Variants in DPH1 observed in about 807,000 individuals in gnomAD.
DPH1 encodes 2-(3-amino-3-carboxypropyl)histidine synthase subunit 1.
In DPH1, 59 loss-of-function variants were observed where a neutral mutation model predicts 55.3. The ratio of observed to expected loss-of-function variants is 1.07; its 90% CI spans 0.87 to 1.33. The LOEUF is 1.33. DPH1 is among the 40% of genes most tolerant of loss of function. The pLI is 0.00. For synonymous variants in DPH1, 238 were observed against 235.5 expected (o/e 1.01, Z -0.10); for missense variants, 628 against 584.8 (o/e 1.07, Z -0.76).
intron 6 of DPH1, 159 bp downstream of exon 6, chr17:2,037,115 C>T: frequency 9.0e-7 from 1 of 1,108,336 alleles, no homozygotes; most frequent in Non-Finnish European, 1.2e-6. Flanking sequence ...GAGCAGACCT[C>T]AGGTTTACTG....
rs571570224 is a variant in DPH1 at position 2,035,188 on chromosome 17, A to G, written c.279-782A>G. Among the ~76,000 whole-genome samples, 2 of 152,008 alleles carry G rather than the reference A, an allele frequency of 1.3e-5. 1 individual carries two copies. Among genetic ancestry groups the G allele is most frequent in the South Asian group, 4.2e-4 (2 of 4,810 alleles). On this transcript the variant is annotated intron_variant, in intron 3 of 12. Transcript: ENST00000263083. Reference sequence around the variant, plus strand: ...CAAGTGTGAGTCTCTTTCAAGGAAGAGGGGGTTCTCCTCCATTCCTAGGGT... The same window carrying G: ...CAAGTGTGAGTCTCTTTCAAGGAAGGGGGGGTTCTCCTCCATTCCTAGGGT...
rs147229181 is a variant in DPH1 at position 2,042,472 on chromosome 17, T to C, written c.*19-133T>C. The C allele has an allele frequency of 7.0e-4, 951 of 1,356,734 alleles. 10 individuals carry two copies. The African/African-American group carries it at 0.013, about 19-fold the overall frequency. 84.0% of individuals were successfully genotyped at this position (1,356,734 alleles called of 1,614,324 possible). Reference sequence around the variant, plus strand: ...GGCCAATCCACTCATTTCCCCCCTCTCATTTCCCCCAGACTTTTGCCTCGA... The same window carrying C: ...GGCCAATCCACTCATTTCCCCCCTCCCATTTCCCCCAGACTTTTGCCTCGA... On this transcript the variant is annotated intron_variant, in intron 12 of 12. Transcript: ENST00000263083.
intron 6 of DPH1, chr17:2,038,880 C>T (rs562582866): frequency 5.3e-4 from 80 of 152,244 alleles, no homozygotes; most frequent in African/African-American, 1.8e-3. Flanking sequence ...TTCACTCTTC[C>T]TCAGAAGCTT....
rs982406058 is a variant in DPH1 at position 2,043,549 on chromosome 17, G to A, written c.*963G>A. 12 of 168,004 alleles carry A rather than the reference G, an allele frequency of 7.1e-5. No individual in the cohort carries two copies. Among genetic ancestry groups the A allele is most frequent in the South Asian group, 1.5e-4 (1 of 6,876 alleles). The allele number at this position is 168,004 out of a possible 1,614,324, so 10.4% of individuals were successfully genotyped here. A position where few individuals can be genotyped will look rare whatever the true frequency, so the allele number is the denominator to read the frequency against. Reference sequence around the variant, plus strand: ...GAGGTGTCTCCAGTTGTGAGTCCTCGGACAGGCTGCTGCATGGGTGCACAT... The same window carrying A: ...GAGGTGTCTCCAGTTGTGAGTCCTCAGACAGGCTGCTGCATGGGTGCACAT... On this transcript the variant is annotated 3_prime_UTR_variant, in exon 13 of 13. Transcript: ENST00000263083.
At chr17:2,042,388 C>T (rs1597291136) in intron 12 of DPH1, 1 of 1,287,114 alleles carries the variant, frequency 7.8e-7, no homozygotes. Flanking sequence ...TTTGCTCAAA[C>T]TGCAGCCTGT....
rs1339858842 is a variant in DPH1 at position 2,036,143 on chromosome 17, G to T, written c.400+52G>T. ...GGTGGCGGGGCTGGCAGGGAGGCAG[G>T]CTGCACATTCATCTTCCCCATGGCA... On this transcript the variant is annotated intron_variant, in intron 4 of 12. Coordinates refer to ENST00000263083, the MANE Select transcript of DPH1 (RefSeq NM_001383.6). The surrounding 1 kb of genome is among the most constrained non-coding windows in gnomAD (Gnocchi z 4.8). 3 of 1,603,794 alleles carry T rather than the reference G, an allele frequency of 1.9e-6. No homozygotes were observed. Among genetic ancestry groups the T allele is most frequent in the Non-Finnish European group, 2.6e-6 (3 of 1,174,594 alleles).
chr17:2,042,312 A>C (rs1597290974), intron 12 of DPH1: 3 of 1,378,580 alleles, frequency 2.2e-6, no homozygotes, highest in African/African-American at 1.6e-5. Context: ...AGCATCCCCC[A>C]CCCTGCGTCC....
At position 2,041,162 on chromosome 17, in the gene DPH1, C is replaced by T; in HGVS notation, c.1067C>T (p.Pro356Leu). ...GACTGGGGCACAGCCTTCCCCAAGC[C>T]GCTGCTGACACCCTATGAGGTAACA... is the stretch of plus-strand genomic sequence containing the variant. ...SIDWGTAFPK[P>L]LLTPYEAAVA... Residue 356 changes from proline (P) to leucine (L), a missense_variant, in exon 10 of 13, where the codon CCG becomes CTG. Physicochemically the swap from Pro to Leu is moderately conservative, Grantham distance 98 (BLOSUM62 -3). Coordinates refer to ENST00000263083, the MANE Select transcript of DPH1 (RefSeq NM_001383.6). The T allele has an allele frequency of 2.5e-6, 4 of 1,605,976 alleles. No homozygotes were observed. Among genetic ancestry groups the T allele is most frequent in the Non-Finnish European group, 2.6e-6 (3 of 1,176,156 alleles).
Position 2,041,888 on chromosome 17 carries a change from G to T in DPH1, c.*18+13G>T. The T allele has an allele frequency of 6.4e-7, 1 of 1,558,702 alleles. No individual in the cohort carries two copies. The highest frequency in any genetic ancestry group is 1.2e-5 in the South Asian group (1 of 85,714). On this transcript the variant is annotated intron_variant, in intron 12 of 12. Transcript: ENST00000263083. ...TCCCGGGCCTCAGGTATCAGCCCCC[G>T]CTCTGGGTGCGCCCCGCCTTTTGCC...
In DPH1 at chr17:2,041,854, T is replaced by C; in HGVS notation, c.1314T>C (p.Pro438=). 1.3e-6 allele frequency: 2 copies of C among 1,594,192 alleles called. No individual in the cohort carries two copies. The highest frequency in any genetic ancestry group is 1.7e-6 in the Non-Finnish European group (2 of 1,172,862). ...CRDEKVAPLA[P] ...ACGAGAAGGTGGCGCCGCTGGCTCC[T>C]TGACGCGCTCCCGGGCCTCAGGTAT... Residue 438 remains proline (P), a synonymous_variant, in exon 12 of 13, where the codon CCT becomes CCC. Coordinates refer to ENST00000263083, the MANE Select transcript of DPH1 (RefSeq NM_001383.6).
Position 2,040,603 on chromosome 17 carries a change from T to A in DPH1, c.1005T>A (p.Asp335Glu). The change falls in exon 9 of 13, where the codon GAT (aspartate) becomes GAA (glutamate). Residue 335 changes from aspartate (D) to glutamate (E), a missense_variant and splice_region_variant. By Grantham distance (45) the Asp-to-Glu change is conservative. Transcript: ENST00000263083. ...AGCTTAGCCTACTTCCTGAGGTGGATGTGTGAGTATCTGCCTGGCTATGAC... is the reference window on the plus strand; with the variant it reads ...AGCTTAGCCTACTTCCTGAGGTGGAAGTGTGAGTATCTGCCTGGCTATGAC... The part of the protein sequence containing the change: ...PSKLSLLPEV[D>E]VWVQVACPRL... 6.2e-7 allele frequency: 1 copy of A among 1,614,086 alleles called. No homozygotes were observed. The highest frequency in any genetic ancestry group is 1.1e-5 in the South Asian group (1 of 91,076).
intron 3 of DPH1, among the ~76,000 whole-genome samples, chr17:2,034,290 A>G (rs1240622189): frequency 1.3e-5 from 2 of 151,928 alleles, no homozygotes; most frequent in Non-Finnish European, 2.9e-5. Flanking sequence ...GCCTGGGAGA[A>G]GGTATTCAGT....
Position 2,035,631 on chromosome 17 carries a change from G to A in DPH1, c.279-339G>A, listed in dbSNP as rs574219749. On this transcript the variant is annotated intron_variant, in intron 3 of 12. Transcript: ENST00000263083. ...AGTGAGGACCTTTGGGTGTGTGTGCGTGCTCACGGCTCTGGGTGGGTGAGT... is the reference window on the plus strand; with the variant it reads ...AGTGAGGACCTTTGGGTGTGTGTGCATGCTCACGGCTCTGGGTGGGTGAGT... 1.6e-4 allele frequency among the ~76,000 whole-genome samples: 25 copies of A among 152,200 alleles called. No homozygotes were observed. In the East Asian group the frequency reaches 2.5e-3, roughly 15 times the overall value.
At chr17:2,033,392 T>C in intron 1 of DPH1, 113 bp from the exon 2 acceptor site, 2 of 1,535,654 alleles carry the variant, frequency 1.3e-6, no homozygotes, top group Non-Finnish European at 1.8e-6. Context: ...TCAAAATTTT[T>C]ATTTCTATGC....
rs151300862 is a variant in DPH1 at position 2,043,878 on chromosome 17, C to T, written c.*1292C>T. Among the ~76,000 whole-genome samples the T allele has an allele frequency of 7.2e-5, 11 of 152,344 alleles. No homozygotes were observed. The highest frequency in any genetic ancestry group is 1.5e-4 in the Non-Finnish European group (10 of 68,038). The stretch of plus-strand genomic sequence containing the variant: ...GCCAAAGACAGTACAGAATAAACAG[C>T]TTCTTCCTAAATTGACCCCATCTTG... On this transcript the variant is annotated 3_prime_UTR_variant, in exon 13 of 13. Transcript: ENST00000263083.
chr17:2,033,746 C>A, intron 2 of DPH1, 33 bp from the exon 3 acceptor site: 1 of 1,614,196 alleles, frequency 6.2e-7, no homozygotes, highest in Non-Finnish European at 8.5e-7. Context: ...CCTTCCTAGC[C>A]CTCCACCTCT....
Position 2,041,827 on chromosome 17 carries a change from G to A in DPH1, c.1287G>A (p.Arg429=), listed in dbSNP as rs528159115. ...TGGCTTGCGAGGACTGCAGCTGCAG[G>A]GACGAGAAGGTGGCGCCGCTGGCTC... is the stretch of plus-strand genomic sequence containing the variant. ...SAVACEDCSC[R]DEKVAPLAP is the part of the protein sequence containing the mutation. Residue 429 remains arginine (R), a synonymous_variant, in exon 12 of 13, where the codon AGG becomes AGA. Coordinates refer to ENST00000263083, the MANE Select transcript of DPH1 (RefSeq NM_001383.6). The A allele has an allele frequency of 6.2e-7, 1 of 1,604,938 alleles. No homozygotes were observed. Among genetic ancestry groups the A allele is most frequent in the African/African-American group, 1.3e-5 (1 of 74,822 alleles).
In DPH1 at chr17:2,033,656, G is replaced by C. The variant is rs1249345630; in HGVS notation, c.213G>C (p.Lys71Asn). Residue 71 changes from lysine to asparagine, a missense_variant and splice_region_variant, in exon 2 of 13, where the codon AAG becomes AAC. Coordinates refer to ENST00000263083, the MANE Select transcript of DPH1 (RefSeq NM_001383.6). ...IWRIQQAQAK[K>N]VALQMPEGLL... is the part of the protein sequence containing the mutation. ...GGATCCAACAAGCCCAGGCCAAGAA[G>C]GGTGAGCCTGTGATCATTGAGCTGG... 4 of 1,614,036 alleles carry C rather than the reference G, an allele frequency of 2.5e-6. No homozygotes were observed. Among genetic ancestry groups the C allele is most frequent in the East Asian group, 2.2e-5 (1 of 44,888 alleles).
In DPH1 at chr17:2,036,016, G is replaced by A. The variant is rs2067418544; in HGVS notation, c.325G>A (p.Ala109Thr). ...GGTGATGGGTGACGTGACCTACGGG[G>A]CTTGCTGTGTGGATGACTTCACAGC... is the stretch of plus-strand genomic sequence containing the variant. ...VMVMGDVTYG[A>T]CCVDDFTARA... is the part of the protein sequence containing the mutation. The change falls in exon 4 of 13, where the codon GCT becomes ACT. Residue 109 changes from alanine (A) to threonine (T), a missense_variant. Coordinates refer to ENST00000263083, the MANE Select transcript of DPH1 (RefSeq NM_001383.6). The surrounding 1 kb of genome is among the most constrained non-coding windows in gnomAD (Gnocchi z 4.8). 6.2e-7 allele frequency: 1 copy of A among 1,613,980 alleles called. No individual in the cohort carries two copies. Among genetic ancestry groups the A allele is most frequent in the Non-Finnish European group, 8.5e-7 (1 of 1,179,944 alleles).
Sources: gnomAD v4.1 joint callset for allele counts (sites outside exome capture counted in the v4.1 genomes callset) on GRCh38, gnomAD v4.1.1 for gene constraint, Gnocchi (gnomAD v3.1) non-coding constraint, MANE v1.5 for transcripts, NCBI Gene and HGNC (gene_info 2026-07-23, HGNC 2026-07-21) for gene names.